ZNF182: variants seen among roughly 807,000 people sequenced by gnomAD.
The protein encoded by ZNF182 is zinc finger protein 182.
A neutral mutation model predicts 28.1 loss-of-function variants in ZNF182; 10 were observed. The observed-to-expected ratio is 0.36, with a 90% CI of 0.22 to 0.60. The LOEUF (loss-of-function observed/expected upper bound fraction) is 0.60. ZNF182 is among the 20% of genes least tolerant of loss of function. ZNF182 has a pLI of 0.75. For synonymous variants in ZNF182, 156 were observed against 158.7 expected (o/e 0.98, Z 0.13); for missense variants, 352 against 453.2 (o/e 0.78, Z 2.03).
chrX:47,998,854 CAA>C (rs57757084), intron 3 of ZNF182, among the ~76,000 whole-genome samples: 86 of 56,836 alleles, frequency 1.5e-3, no homozygotes, highest in East Asian at 2.2e-3. Context: ...GACTCCGTCT[CAA>C]AAAAAAAAAA....
At chrX:47,979,485 G>A (rs782768484) in intron 5 of ZNF182, among the ~76,000 whole-genome samples, 4 of 110,709 alleles carry the variant, frequency 3.6e-5, no homozygotes, top group African/African-American at 1.3e-4. Flanking sequence ...TATGACCTCA[G>A]GCAAGTGATC....
chrX:47,980,035 G>A (rs181041467), intron 5 of ZNF182, among the ~76,000 whole-genome samples: 10 of 111,260 alleles, frequency 9.0e-5, no homozygotes, highest in Admixed American at 3.9e-4. Context: ...ATAAGACATG[G>A]AATCAAACCT....
Position 47,977,502 on chromosome X carries a change from C to T in ZNF182, c.528G>A (p.Glu176=), listed in dbSNP as rs1556898449. The T allele has an allele frequency of 1.7e-6, 2 of 1,211,597 alleles. No individual in the cohort carries two copies. Among genetic ancestry groups the T allele is most frequent in the African/African-American group, 1.7e-5 (1 of 57,873 alleles). ...TCATTCCAGGATTTGTTTTCTCATA[C>T]TCAGTATGGAAGAACAATTTTGCAC... ...NGCAKLFFHT[E]YEKTNPGMKP... is the part of the protein sequence containing the mutation. The change falls in exon 6 of 6, where the codon GAG becomes GAA. Residue 176 remains glutamate (E), a synonymous_variant. Coordinates refer to ENST00000376943, the MANE Select transcript of ZNF182 (RefSeq NM_001007088.2).
intron 3 of ZNF182, among the ~76,000 whole-genome samples, chrX:47,989,475 C>G (rs1410886873): frequency 6.4e-5 from 7 of 108,943 alleles, no homozygotes; most frequent in African/African-American, 2.3e-4. Flanking sequence ...TGATGTGATA[C>G]AAGGATACAT....
At chrX:47,991,251 G>T (rs977359961) in intron 3 of ZNF182, among the ~76,000 whole-genome samples, 7 of 111,395 alleles carry the variant, frequency 6.3e-5, no homozygotes, top group Non-Finnish European at 1.3e-4. Flanking sequence ...TAGGCCATGT[G>T]AGGCCACAGC....
At chrX:48,001,157 C>T in intron 3 of ZNF182, among the ~76,000 whole-genome samples, 1 of 112,349 alleles carries the variant, frequency 8.9e-6, no homozygotes, top group Non-Finnish European at 1.9e-5. Context: ...GTTAAACATA[C>T]ACTTACCATA....
intron 3 of ZNF182, among the ~76,000 whole-genome samples, chrX:47,998,132 G>A (rs2058965506): frequency 9.5e-6 from 1 of 105,529 alleles, no homozygotes; most frequent in Non-Finnish European, 1.9e-5. Context: ...CCAGGCTAGA[G>A]TGCAATCAAT....
intron 3 of ZNF182, among the ~76,000 whole-genome samples, chrX:48,000,073 T>G (rs902125047): frequency 2.8e-4 from 31 of 109,584 alleles, no homozygotes; most frequent in African/African-American, 1.0e-3. Context: ...GAGCCGGAGG[T>G]TGCAGTGAGC....
At position 47,978,539 on chromosome X, in the gene ZNF182, A is replaced by C. The variant is rs151042878; in HGVS notation, c.233-742T>G. Among the ~76,000 whole-genome samples, 558 of 112,419 alleles carry C rather than the reference A, an allele frequency of 5.0e-3. 3 individuals carry two copies. The highest frequency in any genetic ancestry group is 0.018 in the African/African-American group (546 of 30,941). Reference sequence around the variant, plus strand: ...TAGCTTGACAAAAACAAAAAGCTAAAAATATTTGCCCAGTCTGGGTTCACC... The same window carrying C: ...TAGCTTGACAAAAACAAAAAGCTAACAATATTTGCCCAGTCTGGGTTCACC... On this transcript the variant is annotated intron_variant, in intron 5 of 5. Coordinates refer to ENST00000376943, the MANE Select transcript of ZNF182 (RefSeq NM_001007088.2).
chrX:47,994,440 G>C (rs2058951376), intron 3 of ZNF182, among the ~76,000 whole-genome samples: 1 of 111,455 alleles, frequency 9.0e-6, no homozygotes. Flanking sequence ...AGTGATAAAA[G>C]AATGAATCTC....
At position 47,986,562 on chromosome X, in the gene ZNF182, G is replaced by A. The variant is rs782590637; in HGVS notation, c.16-3151C>T. On this transcript the variant is annotated intron_variant, in intron 3 of 5. Transcript: ENST00000376943. ...ATTTATGTGTGATTTCAGGAGATGT[G>A]TACAGTTTTAAGTTGATAAGGGGTA... is the stretch of plus-strand genomic sequence containing the variant. Among the ~76,000 whole-genome samples, 5 of 111,937 alleles carry A rather than the reference G, an allele frequency of 4.5e-5. No individual in the cohort carries two copies. The South Asian group carries it at 1.5e-3, about 33-fold the overall frequency.
intron 3 of ZNF182, among the ~76,000 whole-genome samples, chrX:47,997,223 G>A (rs1434213581): frequency 1.9e-5 from 2 of 107,219 alleles, no homozygotes; most frequent in Admixed American, 2.0e-4. Context: ...GGAGGTTGAG[G>A]TGGGAGGATC....
chrX:47,981,966 T>C (rs1482059317), intron 5 of ZNF182, among the ~76,000 whole-genome samples: 1 of 110,689 alleles, frequency 9.0e-6, no homozygotes, highest in Non-Finnish European at 1.9e-5. Context: ...TCCAATCCTA[T>C]GTATCTACCC....
At chrX:47,996,184 T>C (rs1358042300) in intron 3 of ZNF182, among the ~76,000 whole-genome samples, 1 of 111,708 alleles carries the variant, frequency 9.0e-6, no homozygotes, top group East Asian at 2.8e-4. Context: ...TCAATGTATG[T>C]GAAAGTAATA....
rs2058890727 is a variant in ZNF182, at chrX:47,977,691, C to G, written c.339G>C (p.Lys113Asn). The G allele has an allele frequency of 8.3e-7, 1 of 1,209,747 alleles. No homozygotes were observed. The highest frequency in any genetic ancestry group is 1.7e-5 in the African/African-American group (1 of 57,794). ...CAAACTCATGACAGTCACGAGCACTCTTGGTGATAATTGTTTTCTTGTCAG... is the reference window on the plus strand; with the variant it reads ...CAAACTCATGACAGTCACGAGCACTGTTGGTGATAATTGTTTTCTTGTCAG... ...GFSDKKTIITKSARDCHEFGN... is the reference protein window; with the variant it reads ...GFSDKKTIITNSARDCHEFGN... Residue 113 changes from lysine to asparagine, a missense_variant, in exon 6 of 6, where the codon AAG becomes AAC. Lys to Asn is a moderately conservative substitution (Grantham distance 94). Coordinates refer to ENST00000376943, the MANE Select transcript of ZNF182 (RefSeq NM_001007088.2).
chrX:47,996,848 A>T (rs1331283787), intron 3 of ZNF182, among the ~76,000 whole-genome samples: 5 of 112,152 alleles, frequency 4.5e-5, no homozygotes, highest in Non-Finnish European at 3.8e-5. Flanking sequence ...CACAGCAAGA[A>T]GGTGGCCATC....
At chrX:47,984,791 T>TA (rs1304066714) in intron 3 of ZNF182, among the ~76,000 whole-genome samples, 6 of 111,264 alleles carry the variant, frequency 5.4e-5, no homozygotes, top group African/African-American at 6.5e-5. Flanking sequence ...TGAGAATATA[T>TA]AAAAAAAACT....
chrX:47,987,070 C>T (rs2058925742), intron 3 of ZNF182, among the ~76,000 whole-genome samples: 1 of 111,560 alleles, frequency 9.0e-6, no homozygotes, highest in Non-Finnish European at 1.9e-5. Context: ...TTAATAAAAT[C>T]CCCCTCATAT....
intron 3 of ZNF182, among the ~76,000 whole-genome samples, chrX:47,986,543 G>A (rs2058923985): frequency 8.9e-6 from 1 of 112,036 alleles, no homozygotes; most frequent in African/African-American, 3.2e-5. Context: ...GAAGATTTAT[G>A]TGTGATTTCA....
Sources: allele counts gnomAD v4.1 joint callset (sites outside exome capture counted in the v4.1 genomes callset), GRCh38; gene constraint gnomAD v4.1.1; transcripts MANE v1.5; gene names NCBI Gene and HGNC (gene_info 2026-07-23, HGNC 2026-07-21).